The following RFC1 variants were observed in gnomAD, a reference collection of about 807,000 sequenced individuals.
RFC1 encodes the protein replication factor C subunit 1.
Under a neutral mutation model 137.4 loss-of-function variants are expected in RFC1, and 37 were observed. That is an observed-to-expected ratio of 0.27 (90% CI 0.21 to 0.35). The LOEUF (loss-of-function observed/expected upper bound fraction) is 0.35, where lower values mean the gene tolerates loss of function less well. Among genes scored for constraint, RFC1 ranks in the 10% least tolerant of loss-of-function variants. The pLI is 1.00. For synonymous variants in RFC1, 429 were observed against 455.7 expected (o/e 0.94, Z 0.75); for missense variants, 1,205 against 1,358.5 (o/e 0.89, Z 1.78).
At chr4:39,324,809 T>C (rs1739681819) in intron 6 of RFC1, among the ~76,000 whole-genome samples, 1 of 152,216 alleles carries the variant, frequency 6.6e-6, no homozygotes, top group Non-Finnish European at 1.5e-5. Flanking sequence ...ATAGTAGCTA[T>C]GACAGAGTGT....
rs186532607 is a variant in RFC1 at position 39,309,100 on chromosome 4, C to T, written c.1489-68G>A. 159 of 1,490,466 alleles carry T rather than the reference C, an allele frequency of 1.1e-4. 1 individual carries two copies. In the East Asian group the frequency reaches 2.9e-3, roughly 27 times the overall value. 92.3% of individuals were successfully genotyped at this position (1,490,466 alleles called of 1,614,324 possible). On this transcript the variant is annotated intron_variant, in intron 12 of 24. Coordinates refer to ENST00000349703, the MANE Select transcript of RFC1 (RefSeq NM_002913.5). ...CATACAGAATTTCTATCCTGCTAAACGTACTACAGAGAGCAATCAGAGATA... is the reference window on the plus strand; with the variant it reads ...CATACAGAATTTCTATCCTGCTAAATGTACTACAGAGAGCAATCAGAGATA...
intron 1 of RFC1, among the ~76,000 whole-genome samples, chr4:39,356,227 C>G (rs535489261): frequency 6.6e-6 from 1 of 152,018 alleles, no homozygotes; most frequent in African/African-American, 2.4e-5. Flanking sequence ...GGCAAAACCC[C>G]ATCTCTACTA....
intron 22 of RFC1, among the ~76,000 whole-genome samples, chr4:39,294,061 A>G (rs1283348964): frequency 6.6e-6 from 1 of 152,128 alleles, no homozygotes; most frequent in Non-Finnish European, 1.5e-5. Context: ...ATCCAGGAAA[A>G]TCTTCCCAGC....
rs191280114 is a variant in RFC1, at chr4:39,352,844, T to G, written c.4-1368A>C. On this transcript the variant is annotated intron_variant, in intron 1 of 24. Transcript: ENST00000349703. Reference sequence around the variant, plus strand: ...ACCTGTATCATTTTCCCTCTTCCTATCCTTGATGGTTGTAATCACCAGTTT... The same window carrying G: ...ACCTGTATCATTTTCCCTCTTCCTAGCCTTGATGGTTGTAATCACCAGTTT... 1.1e-4 allele frequency among the ~76,000 whole-genome samples: 16 copies of G among 152,312 alleles called. No homozygotes were observed. In the East Asian group the frequency reaches 3.1e-3, roughly 29 times the overall value.
Position 39,327,756 on chromosome 4 carries a change from T to A in RFC1, c.332A>T (p.Asp111Val), listed in dbSNP as rs146652791. 1.1e-4 allele frequency: 168 copies of A among 1,579,668 alleles called. No homozygotes were observed. Among genetic ancestry groups the A allele is most frequent in the Non-Finnish European group, 1.4e-4 (163 of 1,165,968 alleles). The change falls in exon 5 of 25, where the codon GAT becomes GTT. Residue 111 changes from aspartate to valine, a missense_variant and splice_region_variant. Asp to Val is a radical substitution (Grantham distance 152, BLOSUM62 -3). This residue lies in a region of RFC1 where 962 missense variants were observed against 1,035.3 expected (regional missense o/e 0.93). Coordinates refer to ENST00000349703, the MANE Select transcript of RFC1 (RefSeq NM_002913.5). Reference sequence around the variant, plus strand: ...CTTACACATAAAGTCATCTTCTTCATCTTAAATGAAATGTAACCAAATATT... The same window carrying A: ...CTTACACATAAAGTCATCTTCTTCAACTTAAATGAAATGTAACCAAATATT... ...QDPVTYISET[D>V]EEDDFMCKKA...
intron 1 of RFC1, 127 bp downstream of exon 1, chr4:39,366,112 C>T: frequency 9.4e-7 from 1 of 1,065,944 alleles, no homozygotes; most frequent in Non-Finnish European, 1.3e-6. Context: ...CCTTCTCTGC[C>T]TTTGCTAGCC....
At chr4:39,323,963 A>G (rs1482296948) in intron 6 of RFC1, among the ~76,000 whole-genome samples, 2 of 152,208 alleles carry the variant, frequency 1.3e-5, no homozygotes, top group Non-Finnish European at 2.9e-5. Context: ...TGAAAATTTA[A>G]GTCATCATGT....
rs1276799338 is a variant in RFC1 at position 39,357,671 on chromosome 4, CA to C, written c.4-6196del. 3.3e-5 allele frequency among the ~76,000 whole-genome samples: 5 copies of C among 151,180 alleles called. 1 individual carries two copies. Among genetic ancestry groups the C allele is most frequent in the Admixed American group, 3.3e-4 (5 of 15,156 alleles). ...TTGCACTGTCGCCCAGGCTGGAGTG[CA>C]GTGGGGCGATTTCAGCTCACTGCAA... is the stretch of plus-strand genomic sequence containing the variant. On this transcript the variant is annotated intron_variant, in intron 1 of 24. Coordinates refer to ENST00000349703, the MANE Select transcript of RFC1 (RefSeq NM_002913.5).
intron 21 of RFC1, among the ~76,000 whole-genome samples, 169 bp downstream of exon 21, chr4:39,299,851 GC>G (rs1303865480): frequency 6.6e-6 from 1 of 151,922 alleles, no homozygotes; most frequent in Non-Finnish European, 1.5e-5. Context: ...GGAGGCAGAG[GC>G]TCCAGTGAGC....
Position 39,353,307 on chromosome 4 carries a change from C to T in RFC1, c.4-1831G>A, listed in dbSNP as rs114803095. On this transcript the variant is annotated intron_variant, in intron 1 of 24. Coordinates refer to ENST00000349703, the MANE Select transcript of RFC1 (RefSeq NM_002913.5). ...TCCACCTGCTCTGAAGACTGGAGCACGAGAATCGCTTGAACCTGGGAGGCA... is the reference window on the plus strand; with the variant it reads ...TCCACCTGCTCTGAAGACTGGAGCATGAGAATCGCTTGAACCTGGGAGGCA... 3.7e-3 allele frequency among the ~76,000 whole-genome samples: 494 copies of T among 133,374 alleles called. 2 individuals are homozygous for T. The highest frequency in any genetic ancestry group is 0.013 in the African/African-American group (471 of 35,974). 87.5% of individuals were successfully genotyped at this position (133,374 alleles called of 152,430 possible).
intron 22 of RFC1, 139 bp from the exon 23 acceptor site, chr4:39,291,991 C>T (rs1334578688): frequency 1.5e-6 from 1 of 661,156 alleles, no homozygotes; most frequent in Non-Finnish European, 2.7e-6. Flanking sequence ...ATTTGACAGC[C>T]AGCTGGTGTA....
intron 1 of RFC1, among the ~76,000 whole-genome samples, chr4:39,359,548 C>T (rs1233317365): frequency 2.0e-5 from 3 of 152,108 alleles, no homozygotes; most frequent in African/African-American, 7.2e-5. Context: ...TAATACAATA[C>T]GTGGTCGCTC....
intron 4 of RFC1, among the ~76,000 whole-genome samples, chr4:39,341,021 T>A (rs1740581345): frequency 6.6e-6 from 1 of 152,230 alleles, no homozygotes; most frequent in African/African-American, 2.4e-5. Context: ...AAACTGCTCA[T>A]CTTAATGGAT....
chr4:39,346,097 G>A (rs933670006), intron 2 of RFC1, among the ~76,000 whole-genome samples: 8 of 152,160 alleles, frequency 5.3e-5, no homozygotes, highest in Admixed American at 2.0e-4. Context: ...GATATTACAA[G>A]GCAAGTGCTT....
chr4:39,308,846 C>T lies in RFC1; in HGVS notation c.1675G>A (p.Val559Met). The part of the protein sequence containing the change: ...FWKSLDFKEQ[V>M]AEETSGDSKA... ...CTGTCACCACTTGTCTCCTCAGCCACCTGCTCCTTGAAATCCAGGCTTTTC... is the reference window on the plus strand; with the variant it reads ...CTGTCACCACTTGTCTCCTCAGCCATCTGCTCCTTGAAATCCAGGCTTTTC... The change falls in exon 13 of 25, where the codon GTG becomes ATG. Residue 559 changes from valine (V) to methionine (M), a missense_variant. Val to Met is a conservative substitution (Grantham distance 21, BLOSUM62 1). Coordinates refer to ENST00000349703, the MANE Select transcript of RFC1 (RefSeq NM_002913.5). 2 of 1,614,178 alleles carry T rather than the reference C, an allele frequency of 1.2e-6. No homozygotes were observed.
chr4:39,366,300 T>C lies in RFC1; in HGVS notation c.-59A>G. On this transcript the variant is annotated 5_prime_UTR_variant, in exon 1 of 25. It adds an upstream start codon to the 5' untranslated region. Coordinates refer to ENST00000349703, the MANE Select transcript of RFC1 (RefSeq NM_002913.5). ...CGGGTGGGCCGGTTGAGGAATCTGT[T>C]ATCGAGGCTCAGGATCCATTCGCGC... The C allele has an allele frequency of 1.3e-6, 2 of 1,499,872 alleles. No individual in the cohort carries two copies. Among genetic ancestry groups the C allele is most frequent in the Non-Finnish European group, 1.8e-6 (2 of 1,122,574 alleles). 92.9% of individuals were successfully genotyped at this position (1,499,872 alleles called of 1,614,324 possible).
At position 39,299,642 on chromosome 4, in the gene RFC1, A is replaced by AAAG. The variant is rs571459805; in HGVS notation, c.2808+376_2808+378dup. On this transcript the variant is annotated intron_variant, in intron 21 of 24. Transcript: ENST00000349703. The stretch of plus-strand genomic sequence containing the variant: ...AAAAAAAAAAAAAGAAAGAAAGAAA[A>AAAG]AAGAAAAATAAGGCCAGATTAGGAA... Among the ~76,000 whole-genome samples, 600 of 151,842 alleles carry AAAG rather than the reference A, an allele frequency of 4.0e-3. 3 individuals are homozygous for AAAG. The highest frequency in any genetic ancestry group is 0.014 in the Middle Eastern group (4 of 290).
At position 39,331,499 on chromosome 4, in the gene RFC1, G is replaced by A. The variant is rs79997963; in HGVS notation, c.332-3743C>T. ...GGGAAGACAAAAAGTAAATGACCAC[G>A]TAGGCAAAGATGGCCTCAACAACCA... On this transcript the variant is annotated intron_variant, in intron 4 of 24. Coordinates refer to ENST00000349703, the MANE Select transcript of RFC1 (RefSeq NM_002913.5). Among the ~76,000 whole-genome samples, 113 of 152,214 alleles carry A rather than the reference G, an allele frequency of 7.4e-4. 2 individuals carry two copies. In the East Asian group the frequency reaches 0.019, roughly 26 times the overall value.
chr4:39,360,950 A>G (rs900968183), intron 1 of RFC1, among the ~76,000 whole-genome samples: 1 of 152,236 alleles, frequency 6.6e-6, no homozygotes, highest in East Asian at 1.9e-4. Flanking sequence ...GCAGAAATGG[A>G]TTATCATCAA....
Sources: gnomAD v4.1 joint callset for allele counts (sites outside exome capture counted in the v4.1 genomes callset) on GRCh38, gnomAD v4.1.1 for gene constraint, gnomAD v4.1.1 regional missense constraint, MANE v1.5 for transcripts, NCBI Gene and HGNC (gene_info 2026-07-23, HGNC 2026-07-21) for gene names.